CNBD1: variants seen among roughly 807,000 people sequenced by gnomAD.
The protein encoded by CNBD1 is cyclic nucleotide-binding domain-containing protein 1.
Under a neutral mutation model 54.4 loss-of-function variants are expected in CNBD1, and 71 were observed. The ratio of observed to expected loss-of-function variants is 1.30; its 90% CI spans 1.08 to 1.59. The LOEUF (loss-of-function observed/expected upper bound fraction) is 1.59, where lower values mean the gene tolerates loss of function less well. Among genes scored for constraint, CNBD1 ranks in the 40% most tolerant of loss-of-function variants. The probability of loss-of-function intolerance (pLI) is 0.00; values close to 1 mark genes in which losing one functional copy is unlikely to be tolerated. For missense variants in CNBD1, 659 were observed against 518.0 expected, an observed-to-expected ratio of 1.27 and a Z score of -2.64; for synonymous variants, 182 against 170.7, an observed-to-expected ratio of 1.07 and a Z score of -0.51.
intron 2 of CNBD1, among the ~76,000 whole-genome samples, chr8:87,417,945 G>A (rs1198422368): frequency 6.6e-6 from 1 of 151,842 alleles, no homozygotes; most frequent in African/African-American, 2.4e-5. Flanking sequence ...TTATGAATTG[G>A]AAGATTTACT....
At chr8:87,228,778 G>C (rs993829057) in intron 5 of CNBD1, among the ~76,000 whole-genome samples, 1 of 152,070 alleles carries the variant, frequency 6.6e-6, no homozygotes, top group Non-Finnish European at 1.5e-5. Context: ...CCCAGTTCGA[G>C]CTTCCAGGCT....
At chr8:87,395,891 G>C (rs377435380) in intron 2 of CNBD1, among the ~76,000 whole-genome samples, 25 of 151,846 alleles carry the variant, frequency 1.6e-4, no homozygotes, top group Non-Finnish European at 3.1e-4. Flanking sequence ...CATTTTATAA[G>C]GGGCTTTTCT....
In CNBD1 at chr8:86,939,462, T is replaced by G. The variant is rs1719091459; in HGVS notation, c.273-134T>G. 5.8e-6 allele frequency: 3 copies of G among 519,332 alleles called. No individual in the cohort carries two copies. The Admixed American group carries it at 1.1e-4, about 19-fold the overall frequency. The allele number at this position is 519,332 out of a possible 1,614,324, so 32.2% of individuals were successfully genotyped here. On this transcript the variant is annotated intron_variant, in intron 3 of 10. Coordinates refer to ENST00000518476, the MANE Select transcript of CNBD1 (RefSeq NM_173538.3). Reference sequence around the variant, plus strand: ...GGAGATTGAAACATTCTAATGCATTTAAAAAGAATATGTTCTGAAAATGAC... The same window carrying G: ...GGAGATTGAAACATTCTAATGCATTGAAAAAGAATATGTTCTGAAAATGAC...
chr8:87,138,414 C>G (rs1239493879), intron 4 of CNBD1, among the ~76,000 whole-genome samples: 2 of 152,152 alleles, frequency 1.3e-5, no homozygotes, highest in African/African-American at 2.4e-5. Flanking sequence ...TGTCAAAGAT[C>G]CTTGTCAGCA....
At chr8:87,228,694 G>A (rs1306359541) in intron 5 of CNBD1, among the ~76,000 whole-genome samples, 1 of 151,776 alleles carries the variant, frequency 6.6e-6, no homozygotes, top group African/African-American at 2.4e-5. Context: ...CTGTCTTTTT[G>A]TTTGTCTGTG....
At chr8:86,996,937 G>A (rs6468613) in intron 4 of CNBD1, among the ~76,000 whole-genome samples, 1 of 151,954 alleles carries the variant, frequency 6.6e-6, no homozygotes, top group African/African-American at 2.4e-5. Context: ...GTCCTTACAT[G>A]ATAGAAAAGG....
intron 4 of CNBD1, among the ~76,000 whole-genome samples, chr8:87,096,682 G>A (rs1811327024): frequency 6.6e-6 from 1 of 152,138 alleles, no homozygotes; most frequent in Non-Finnish European, 1.5e-5. Flanking sequence ...GTTCCATCCA[G>A]TTCTAGAAGT....
intron 4 of CNBD1, among the ~76,000 whole-genome samples, chr8:87,169,212 T>G (rs1245092527): frequency 1.3e-5 from 2 of 152,134 alleles, no homozygotes; most frequent in African/African-American, 4.8e-5. Flanking sequence ...ATTTTCCATT[T>G]GTATGTCTTC....
chr8:87,055,558 T>G (rs1810396604), intron 4 of CNBD1, among the ~76,000 whole-genome samples: 1 of 152,154 alleles, frequency 6.6e-6, no homozygotes, highest in Non-Finnish European at 1.5e-5. Flanking sequence ...ATGCTGGACC[T>G]TGCCTGCCTG....
intron 2 of CNBD1, among the ~76,000 whole-genome samples, chr8:86,889,180 G>T (rs1402234488): frequency 6.6e-6 from 1 of 152,078 alleles, no homozygotes; most frequent in Non-Finnish European, 1.5e-5. Flanking sequence ...GTGTATATAG[G>T]TTTTGCATCA....
chr8:87,082,306 A>C (rs538565839), intron 4 of CNBD1, among the ~76,000 whole-genome samples: 1 of 151,794 alleles, frequency 6.6e-6, no homozygotes, highest in South Asian at 2.1e-4. Flanking sequence ...ACCTACCCAA[A>C]TCCTATAAAA....
At chr8:87,052,867 G>T (rs997978580) in intron 4 of CNBD1, among the ~76,000 whole-genome samples, 1 of 152,082 alleles carries the variant, frequency 6.6e-6, no homozygotes. Context: ...CCCTTTATTT[G>T]CCTAAGTTCT....
At chr8:87,228,827 C>A (rs1814583582) in intron 5 of CNBD1, among the ~76,000 whole-genome samples, 2 of 152,276 alleles carry the variant, frequency 1.3e-5, no homozygotes, top group South Asian at 4.1e-4. Context: ...ATGGCGGGCG[C>A]CCCTCCTCCA....
chr8:87,300,330 C>T lies in CNBD1; in HGVS notation c.1042+13659C>T, dbSNP rs76266227. Reference sequence around the variant, plus strand: ...GCTATAATGACAATGAATTATATCTCGATCAATAAGTATTTACAATATATA... The same window carrying T: ...GCTATAATGACAATGAATTATATCTTGATCAATAAGTATTTACAATATATA... On this transcript the variant is annotated intron_variant, in intron 8 of 10. Coordinates refer to ENST00000518476, the MANE Select transcript of CNBD1 (RefSeq NM_173538.3). Among the ~76,000 whole-genome samples, 589 of 152,042 alleles carry T rather than the reference C, an allele frequency of 3.9e-3. 8 individuals are homozygous for T. Among genetic ancestry groups the T allele is most frequent in the African/African-American group, 0.013 (559 of 41,504 alleles).
intron 3 of CNBD1, among the ~76,000 whole-genome samples, chr8:86,936,886 G>A (rs991325525): frequency 6.6e-6 from 1 of 152,072 alleles, no homozygotes; most frequent in Non-Finnish European, 1.5e-5. Flanking sequence ...AAAGCAGAAG[G>A]ATGCAAAAAG....
At chr8:87,093,300 T>C (rs1811254872) in intron 4 of CNBD1, among the ~76,000 whole-genome samples, 1 of 152,092 alleles carries the variant, frequency 6.6e-6, no homozygotes, top group Admixed American at 6.5e-5. Flanking sequence ...TGATGAACAT[T>C]ACCTGCTAGG....
intron 4 of CNBD1, among the ~76,000 whole-genome samples, chr8:87,073,467 T>C (rs1303773672): frequency 6.6e-6 from 1 of 152,158 alleles, no homozygotes; most frequent in Admixed American, 6.5e-5. Context: ...GTTGCTGACC[T>C]TTGAATAAGG....
intron 2 of CNBD1, among the ~76,000 whole-genome samples, chr8:87,425,853 C>T (rs1367047950): frequency 2.6e-5 from 4 of 152,082 alleles, no homozygotes; most frequent in South Asian, 2.1e-4. Flanking sequence ...CCACCCAGTT[C>T]GAGCTTCCCA....
At chr8:87,222,665 C>G (rs1007106194) in intron 5 of CNBD1, among the ~76,000 whole-genome samples, 2 of 152,048 alleles carry the variant, frequency 1.3e-5, no homozygotes, top group Admixed American at 1.3e-4. Flanking sequence ...GGTCTTTGTA[C>G]CAGAGAGTGG....
Sources: gnomAD v4.1 joint callset for allele counts (sites outside exome capture counted in the v4.1 genomes callset) on GRCh38, gnomAD v4.1.1 for gene constraint, MANE v1.5 for transcripts, NCBI Gene and HGNC (gene_info 2026-07-23, HGNC 2026-07-21) for gene names.